Variants in SLC39A11 observed in about 807,000 individuals in gnomAD.
The protein encoded by SLC39A11 is zinc transporter ZIP11.
Under a neutral mutation model 36.1 loss-of-function variants are expected in SLC39A11, and 33 were observed. That is an observed-to-expected ratio of 0.91 (90% CI 0.69 to 1.22). The LOEUF is 1.22. SLC39A11 is among the 50% of genes most tolerant of loss of function. The pLI is 0.00. For missense variants in SLC39A11, 432 were observed against 430.3 expected, an observed-to-expected ratio of 1.00 and a Z score of -0.03; for synonymous variants, 166 against 170.3, an observed-to-expected ratio of 0.97 and a Z score of 0.20.
At chr17:72,885,546 A>G (rs1053799036) in intron 5 of SLC39A11, among the ~76,000 whole-genome samples, 3 of 151,994 alleles carry the variant, frequency 2.0e-5, no homozygotes, top group African/African-American at 7.3e-5. Flanking sequence ...ATCTCAACCA[A>G]CTAATCCCAA....
At chr17:72,849,536 G>A (rs1201158216) in intron 6 of SLC39A11, 98 bp downstream of exon 6, 47 of 1,303,032 alleles carry the variant, frequency 3.6e-5, no homozygotes, top group Middle Eastern at 2.7e-4. Flanking sequence ...AAGGACCCAC[G>A]TCACAATTGC....
At chr17:72,893,640 A>G (rs763253870) in intron 5 of SLC39A11, among the ~76,000 whole-genome samples, 3 of 152,176 alleles carry the variant, frequency 2.0e-5, no homozygotes, top group African/African-American at 4.8e-5. Flanking sequence ...GGTTAAAAAA[A>G]TGGGGGGTTA....
chr17:73,045,461 T>G (rs1255161619), intron 3 of SLC39A11, among the ~76,000 whole-genome samples: 2 of 151,722 alleles, frequency 1.3e-5, no homozygotes, highest in Non-Finnish European at 2.9e-5. Context: ...TATTTCTTTT[T>G]TTTCCAAGTG....
intron 3 of SLC39A11, 55 bp downstream of exon 3, chr17:73,084,753 A>ACATGT (rs1211946952): frequency 6.3e-7 from 1 of 1,588,542 alleles, no homozygotes; most frequent in Non-Finnish European, 8.6e-7. Context: ...CTTGGCAGAC[A>ACATGT]CATGTCAGAA....
intron 7 of SLC39A11, among the ~76,000 whole-genome samples, chr17:72,694,382 G>C (rs1328323146): frequency 6.6e-6 from 1 of 152,230 alleles, no homozygotes; most frequent in Non-Finnish European, 1.5e-5. Flanking sequence ...ACCTCCCCGA[G>C]CCCTGGTACC....
chr17:73,074,311 G>A (rs117693256), intron 3 of SLC39A11, among the ~76,000 whole-genome samples: 1,135 of 86,172 alleles, frequency 0.013, 12 homozygotes, highest in African/African-American at 0.047. Context: ...CCCACCCCCC[G>A]CCCCAAGACA....
intron 4 of SLC39A11, among the ~76,000 whole-genome samples, chr17:73,008,606 A>T (rs1468350117): frequency 1.3e-5 from 2 of 152,142 alleles, no homozygotes; most frequent in Non-Finnish European, 2.9e-5. Flanking sequence ...AGAACTGAAA[A>T]CGGTGCTCAA....
At chr17:72,924,003 C>G (rs909716919) in intron 5 of SLC39A11, among the ~76,000 whole-genome samples, 3 of 151,718 alleles carry the variant, frequency 2.0e-5, no homozygotes, top group Non-Finnish European at 4.4e-5. Flanking sequence ...AAAAATTACC[C>G]AGGCACAGTG....
At chr17:72,716,003 T>C (rs913114828) in intron 7 of SLC39A11, among the ~76,000 whole-genome samples, 1 of 152,020 alleles carries the variant, frequency 6.6e-6, no homozygotes, top group Non-Finnish European at 1.5e-5. Flanking sequence ...GGCCAAAATG[T>C]ACCATCTTGA....
chr17:72,904,721 C>T (rs1261196418), intron 5 of SLC39A11, among the ~76,000 whole-genome samples: 1 of 152,138 alleles, frequency 6.6e-6, no homozygotes, highest in Non-Finnish European at 1.5e-5. Context: ...GATCTCAGAG[C>T]GAGAATTACT....
At chr17:73,029,120 A>G (rs2058660687) in intron 4 of SLC39A11, among the ~76,000 whole-genome samples, 1 of 16,648 alleles carries the variant, frequency 6.0e-5, no homozygotes, top group Non-Finnish European at 5.3e-4. Context: ...GCCGTCACAC[A>G]CACACAAAAA....
intron 4 of SLC39A11, among the ~76,000 whole-genome samples, chr17:73,020,903 G>A (rs559357265): frequency 3.3e-5 from 5 of 151,974 alleles, no homozygotes; most frequent in Non-Finnish European, 7.4e-5. Flanking sequence ...GTCTGGTCTC[G>A]AACTCCTGAC....
chr17:73,036,087 C>T lies in SLC39A11; in HGVS notation c.148-4373G>A, dbSNP rs575911186. Among the ~76,000 whole-genome samples, 30 of 152,268 alleles carry T rather than the reference C, an allele frequency of 2.0e-4. No homozygotes were observed. In the East Asian group the frequency reaches 5.4e-3, roughly 27 times the overall value. Reference sequence around the variant, plus strand: ...CAAGAGGAACCCAGCCCTGCTGCCACCTTGACTTTGTCCCAGTTAAAATCA... The same window carrying T: ...CAAGAGGAACCCAGCCCTGCTGCCATCTTGACTTTGTCCCAGTTAAAATCA... On this transcript the variant is annotated intron_variant, in intron 3 of 9. Coordinates refer to ENST00000255559, the MANE Select transcript of SLC39A11 (RefSeq NM_139177.4).
At chr17:73,009,743 T>C (rs1237221822) in intron 4 of SLC39A11, among the ~76,000 whole-genome samples, 1 of 152,094 alleles carries the variant, frequency 6.6e-6, no homozygotes, top group African/African-American at 2.4e-5. Flanking sequence ...ATACAACAAA[T>C]TTTTTTTATT....
chr17:72,756,509 T>G (rs2075367602), intron 6 of SLC39A11, among the ~76,000 whole-genome samples: 1 of 152,266 alleles, frequency 6.6e-6, no homozygotes, highest in African/African-American at 2.4e-5. Flanking sequence ...GAGAATATTA[T>G]GCTGAGTGAA....
intron 4 of SLC39A11, among the ~76,000 whole-genome samples, chr17:72,989,164 G>T (rs776331704): frequency 6.6e-6 from 1 of 152,120 alleles, no homozygotes; most frequent in Non-Finnish European, 1.5e-5. Context: ...TTTCTACTAC[G>T]TGTCTTTCAC....
chr17:72,675,974 C>T (rs1349445905), intron 7 of SLC39A11, among the ~76,000 whole-genome samples: 1 of 151,922 alleles, frequency 6.6e-6, no homozygotes, highest in Non-Finnish European at 1.5e-5. Context: ...CCACTGTGCC[C>T]GGCCCAGATA....
intron 2 of SLC39A11, among the ~76,000 whole-genome samples, chr17:73,085,381 CATGCCTATA>C (rs2060693045): frequency 6.6e-6 from 1 of 152,020 alleles, no homozygotes; most frequent in African/African-American, 2.4e-5. Flanking sequence ...TGCAAGGGTT[CATGCCTATA>C]ATCCCAGCAC....
chr17:72,677,438 T>C (rs1250312570), intron 7 of SLC39A11, among the ~76,000 whole-genome samples: 1 of 152,186 alleles, frequency 6.6e-6, no homozygotes, highest in Non-Finnish European at 1.5e-5. Flanking sequence ...TGGGACATTC[T>C]GAGAACCCAG....
Sources: allele counts gnomAD v4.1 joint callset (sites outside exome capture counted in the v4.1 genomes callset), GRCh38; gene constraint gnomAD v4.1.1; transcripts MANE v1.5; gene names NCBI Gene and HGNC (gene_info 2026-07-23, HGNC 2026-07-21).